The following SANBR variants were observed in gnomAD, a reference collection of about 807,000 sequenced individuals.
SANBR encodes SANT and BTB domain regulator of class switch recombination.
In SANBR, 77 loss-of-function variants were observed where a neutral mutation model predicts 101.8. The observed-to-expected ratio is 0.76, with a 90% CI of 0.63 to 0.91. The LOEUF is 0.91. Ranked by LOEUF, SANBR falls within the 40% of genes least tolerant of loss-of-function variation. The pLI is 0.00. For missense variants in SANBR, 875 were observed against 853.0 expected, an observed-to-expected ratio of 1.03 and a Z score of -0.32; for synonymous variants, 279 against 274.7, an observed-to-expected ratio of 1.02 and a Z score of -0.15.
At chr2:61,073,657 C>T (rs1681602182) in intron 5 of SANBR, 106 bp downstream of exon 5, 1 of 566,540 alleles carries the variant, frequency 1.8e-6, no homozygotes, top group Non-Finnish European at 3.1e-6. Context: ...TGCATAATTG[C>T]TGAAACTACT....
At chr2:61,134,363 G>A (rs1684782505) in intron 21 of SANBR, 2 of 1,361,110 alleles carry the variant, frequency 1.5e-6, no homozygotes, top group Non-Finnish European at 2.0e-6. Flanking sequence ...CCCATTTTTG[G>A]CTTGGCTCAC....
At chr2:61,076,793 T>C in intron 5 of SANBR, 127 bp from the exon 6 acceptor site, 1 of 665,458 alleles carries the variant, frequency 1.5e-6, no homozygotes, top group South Asian at 1.9e-5. Flanking sequence ...GTCAAGACCC[T>C]ATAAAACTGA....
intron 20 of SANBR, among the ~76,000 whole-genome samples, chr2:61,133,347 A>G (rs1684746136): frequency 6.6e-6 from 1 of 152,176 alleles, no homozygotes; most frequent in Non-Finnish European, 1.5e-5. Context: ...GTTTGGGGTA[A>G]TGAAAATGTT....
chr2:61,110,847 T>TA (rs34809406), intron 16 of SANBR, among the ~76,000 whole-genome samples: 30 of 147,360 alleles, frequency 2.0e-4, no homozygotes, highest in Admixed American at 8.8e-4. Context: ...AAACTCCATC[T>TA]AAAAAAAAAA....
intron 10 of SANBR, among the ~76,000 whole-genome samples, chr2:61,090,943 C>T (rs1156840843): frequency 2.8e-5 from 4 of 144,090 alleles, no homozygotes; most frequent in Admixed American, 1.4e-4. Context: ...GAGTCTCACT[C>T]TGTCACCCAG....
rs1440791545 is a variant in SANBR at position 61,109,787 on chromosome 2, G to A, written c.1744+491G>A. On this transcript the variant is annotated intron_variant, in intron 16 of 21. Transcript: ENST00000402291. ...GGGTTCAAGCAATTCTCCTGCCTCA[G>A]TCTCCTGAGTAGCTCGGACTACTCA... Among the ~76,000 whole-genome samples, 4 of 148,302 alleles carry A rather than the reference G, an allele frequency of 2.7e-5. No individual in the cohort carries two copies. The East Asian group carries it at 8.0e-4, about 30-fold the overall frequency.
At position 61,103,891 on chromosome 2, in the gene SANBR, T is replaced by A. The variant is rs1414549832; in HGVS notation, c.1404T>A (p.Asp468Glu). Reference protein sequence around the residue: ...KVRDHMVTLRDQGEGGDLPSC... With the variant: ...KVRDHMVTLREQGEGGDLPSC... ...GGGACCACATGGTTACACTTCGTGA[T>A]CAAGGTGAAGGCGGAGATTTGCCGT... Residue 468 changes from aspartate (D) to glutamate (E), a missense_variant, in exon 13 of 22, where the codon GAT (aspartate) becomes GAA (glutamate). Transcript: ENST00000402291. 1 of 1,614,222 alleles carries A rather than the reference T, an allele frequency of 6.2e-7. No homozygotes were observed. The highest frequency in any genetic ancestry group is 1.7e-5 in the Admixed American group (1 of 60,024).
At chr2:61,125,357 T>G (rs1025899629), downstream of SANBR, among the ~76,000 whole-genome samples, 1 of 152,246 alleles carries the variant, frequency 6.6e-6, no homozygotes, top group Non-Finnish European at 1.5e-5. Context: ...CGTATATGTA[T>G]TTAGTGCAAG....
At chr2:61,132,891 G>C (rs1684729135) in intron 20 of SANBR, among the ~76,000 whole-genome samples, 1 of 152,210 alleles carries the variant, frequency 6.6e-6, no homozygotes, top group Non-Finnish European at 1.5e-5. Flanking sequence ...ATCACACGCT[G>C]CATGACTCTA....
At chr2:61,137,079 G>A (rs929891999) in intron 21 of SANBR, among the ~76,000 whole-genome samples, 59 of 151,718 alleles carry the variant, frequency 3.9e-4, no homozygotes, top group African/African-American at 1.3e-3. Context: ...TTGAGAATGT[G>A]AGACAAGCCT....
downstream of SANBR, among the ~76,000 whole-genome samples, chr2:61,128,284 A>AG (rs1442673831): frequency 6.6e-6 from 1 of 151,678 alleles, no homozygotes; most frequent in East Asian, 1.9e-4. Flanking sequence ...AAAAAAAAAA[A>AG]AAGAATCCTT....
At chr2:61,083,346 A>C in intron 8 of SANBR, 32 bp downstream of exon 8, 2 of 1,217,438 alleles carry the variant, frequency 1.6e-6, no homozygotes, top group Non-Finnish European at 1.2e-6. Flanking sequence ...TAAACCTAAT[A>C]CTCCTGTTAA....
intron 5 of SANBR, chr2:61,075,222 A>G (rs1681704655): frequency 6.6e-6 from 1 of 152,344 alleles, no homozygotes; most frequent in Admixed American, 6.5e-5. Context: ...ATGAAGACAG[A>G]TGTAGATCAC....
At chr2:61,099,808 A>C (rs1031253681) in intron 12 of SANBR, among the ~76,000 whole-genome samples, 1 of 152,198 alleles carries the variant, frequency 6.6e-6, no homozygotes, top group African/African-American at 2.4e-5. Context: ...GAATGTTGCC[A>C]TGAAAGTTGA....
intron 20 of SANBR, among the ~76,000 whole-genome samples, chr2:61,131,747 G>T (rs1397672077): frequency 6.6e-6 from 1 of 152,112 alleles, no homozygotes; most frequent in African/African-American, 2.4e-5. Flanking sequence ...AATTTTGGAA[G>T]ACAACAAAGT....
rs35061669 is a variant in SANBR at position 61,094,638 on chromosome 2, C to CTTTT, written c.1212+2070_1212+2073dup. Among the ~76,000 whole-genome samples the CTTTT allele has an allele frequency of 9.3e-3, 734 of 78,900 alleles. 5 individuals carry two copies. The highest frequency in any genetic ancestry group is 0.011 in the Middle Eastern group (1 of 88). 51.8% of individuals were successfully genotyped at this position (78,900 alleles called of 152,430 possible). Reference sequence around the variant, plus strand: ...TCTCTTGGATGTATTTATTTCTCTTCTTTTTTTTTTTTTTTTTTTTTTGAG... The same window carrying CTTTT: ...TCTCTTGGATGTATTTATTTCTCTTCTTTTTTTTTTTTTTTTTTTTTTTTTTGAG... On this transcript the variant is annotated intron_variant, in intron 11 of 21. Coordinates refer to ENST00000402291, the MANE Select transcript of SANBR (RefSeq NM_001129993.3).
At chr2:61,074,469 C>G (rs1207120874) in intron 5 of SANBR, among the ~76,000 whole-genome samples, 3 of 152,208 alleles carry the variant, frequency 2.0e-5, no homozygotes, top group East Asian at 1.9e-4. Flanking sequence ...AGGGCAGTGG[C>G]TCCATCTCAG....
intron 20 of SANBR, among the ~76,000 whole-genome samples, chr2:61,133,112 C>A (rs1419504585): frequency 6.6e-6 from 1 of 152,116 alleles, no homozygotes; most frequent in African/African-American, 2.4e-5. Flanking sequence ...ATTAGCCGGG[C>A]ATGGTGGTGC....
At chr2:61,102,174 C>G (rs1683318738) in intron 12 of SANBR, among the ~76,000 whole-genome samples, 1 of 151,014 alleles carries the variant, frequency 6.6e-6, no homozygotes, top group South Asian at 2.1e-4. Context: ...GAGATCGAGA[C>G]CACCCTGACT....
Sources: allele counts gnomAD v4.1 joint callset (sites outside exome capture counted in the v4.1 genomes callset), GRCh38; gene constraint gnomAD v4.1.1; transcripts MANE v1.5; gene names NCBI Gene and HGNC (gene_info 2026-07-23, HGNC 2026-07-21).